Variants in AGBL4 observed in about 807,000 individuals in gnomAD.
AGBL4 encodes the protein cytosolic carboxypeptidase 6.
In AGBL4, 58 loss-of-function variants were observed where a neutral mutation model predicts 66.4. That is an observed-to-expected ratio of 0.87 (90% confidence interval 0.71 to 1.09). The LOEUF (loss-of-function observed/expected upper bound fraction) is 1.09. Among genes scored for constraint, AGBL4 ranks in the 50% least tolerant of loss-of-function variants. AGBL4 has a pLI of 0.00. For missense variants in AGBL4, 579 were observed against 631.0 expected (o/e 0.92, Z 0.88); for synonymous variants, 234 against 222.9 (o/e 1.05, Z -0.44).
At chr1:48,713,149 T>C (rs569382381) in intron 6 of AGBL4, among the ~76,000 whole-genome samples, 4 of 152,114 alleles carry the variant, frequency 2.6e-5, no homozygotes, top group Non-Finnish European at 5.9e-5. Flanking sequence ...TCTTGTCTGG[T>C]AGGTGAGACA....
At chr1:49,994,909 C>G (rs970988165) in intron 1 of AGBL4, 1 of 352,538 alleles carries the variant, frequency 2.8e-6, no homozygotes. Flanking sequence ...AGGATTTAAC[C>G]TTTCCTGGAG....
chr1:49,141,633 A>C (rs943638027), intron 4 of AGBL4, among the ~76,000 whole-genome samples: 13 of 152,190 alleles, frequency 8.5e-5, no homozygotes, highest in African/African-American at 2.9e-4. Context: ...TAGTGTGGCT[A>C]GAGTTTATGA....
chr1:48,742,684 G>A (rs1180213008), intron 6 of AGBL4: 5 of 1,611,338 alleles, frequency 3.1e-6, no homozygotes, highest in African/African-American at 1.3e-5. Flanking sequence ...ATAGGACGAC[G>A]TATTTGCTTC....
At chr1:48,860,815 G>GA (rs1224779545) in intron 6 of AGBL4, among the ~76,000 whole-genome samples, 1 of 152,118 alleles carries the variant, frequency 6.6e-6, no homozygotes, top group Non-Finnish European at 1.5e-5. Context: ...TGAGAAAAGA[G>GA]AAAACCAGAA....
intron 2 of AGBL4, among the ~76,000 whole-genome samples, chr1:49,762,658 C>T (rs750536751): frequency 9.5e-4 from 144 of 152,284 alleles, no homozygotes; most frequent in African/African-American, 1.6e-3. Context: ...GTGCTCTGCC[C>T]GCCTTGGCCT....
At chr1:49,840,497 G>A (rs912921474) in intron 2 of AGBL4, among the ~76,000 whole-genome samples, 3 of 152,078 alleles carry the variant, frequency 2.0e-5, no homozygotes, top group Admixed American at 1.3e-4. Context: ...GAGAAGGAGG[G>A]ACTCCTCCCT....
At chr1:49,935,397 TG>T (rs975672732) in intron 1 of AGBL4, among the ~76,000 whole-genome samples, 2 of 152,202 alleles carry the variant, frequency 1.3e-5, no homozygotes, top group Non-Finnish European at 2.9e-5. Flanking sequence ...GCTCCACCTC[TG>T]GGGGCAGGGC....
chr1:49,959,341 G>C (rs1419226331), intron 1 of AGBL4, among the ~76,000 whole-genome samples: 1 of 151,978 alleles, frequency 6.6e-6, no homozygotes, highest in Non-Finnish European at 1.5e-5. Context: ...AAGAAATAGA[G>C]ACAAGGAGAA....
intron 1 of AGBL4, among the ~76,000 whole-genome samples, chr1:49,861,280 C>T (rs989470708): frequency 2.0e-5 from 3 of 152,122 alleles, no homozygotes; most frequent in African/African-American, 7.2e-5. Context: ...ACGTGAGATA[C>T]TGAGATATCA....
At chr1:48,641,374 A>AT (rs1645752435) in intron 8 of AGBL4, among the ~76,000 whole-genome samples, 1 of 152,136 alleles carries the variant, frequency 6.6e-6, no homozygotes, top group East Asian at 1.9e-4. Flanking sequence ...AGGGATAATC[A>AT]TAACACATCC....
intron 12 of AGBL4, among the ~76,000 whole-genome samples, chr1:48,535,648 A>C (rs1468290180): frequency 6.6e-6 from 1 of 151,712 alleles, no homozygotes; most frequent in African/African-American, 2.4e-5. Flanking sequence ...TCTGTTCTCT[A>C]CTCTATTCCC....
At chr1:49,368,929 T>C (rs1454615610) in intron 3 of AGBL4, among the ~76,000 whole-genome samples, 1 of 151,594 alleles carries the variant, frequency 6.6e-6, no homozygotes, top group Non-Finnish European at 1.5e-5. Context: ...CAAAAAATTA[T>C]CCAGGCATGG....
At chr1:49,248,318 T>C (rs2148332660) in intron 3 of AGBL4, among the ~76,000 whole-genome samples, 1 of 152,332 alleles carries the variant, frequency 6.6e-6, no homozygotes, top group Non-Finnish European at 1.5e-5. Context: ...TAAATTAGAA[T>C]CACTAGTATA....
intron 2 of AGBL4, among the ~76,000 whole-genome samples, chr1:49,805,412 T>A (rs1644954803): frequency 6.6e-6 from 1 of 152,174 alleles, no homozygotes; most frequent in Non-Finnish European, 1.5e-5. Context: ...CTATAAATAT[T>A]TTTCTTCTGT....
chr1:49,683,915 T>C (rs965466126), intron 3 of AGBL4, among the ~76,000 whole-genome samples: 2 of 152,162 alleles, frequency 1.3e-5, no homozygotes, highest in Admixed American at 6.5e-5. Flanking sequence ...GAAAGATGAA[T>C]TACACTGCAG....
intron 3 of AGBL4, among the ~76,000 whole-genome samples, chr1:49,295,934 T>C (rs1644635518): frequency 6.6e-6 from 1 of 152,128 alleles, no homozygotes. Context: ...TAAAGCAAAC[T>C]AAAGAAAGCC....
At chr1:49,936,960 T>G (rs961066508) in intron 1 of AGBL4, among the ~76,000 whole-genome samples, 1 of 152,142 alleles carries the variant, frequency 6.6e-6, no homozygotes, top group Non-Finnish European at 1.5e-5. Context: ...GCTAACATCA[T>G]CATGACAGGA....
chr1:49,530,280 A>AAAAAAAAAAAAAAAAAAAAAAAC (rs1165391996), intron 3 of AGBL4, among the ~76,000 whole-genome samples: 1 of 148,000 alleles, frequency 6.8e-6, no homozygotes, highest in Non-Finnish European at 1.5e-5. Flanking sequence ...AAACAAAAAA[A>AAAAAAAAAAAAAAAAAAAAAAAC]AACTCTATGA....
At chr1:49,637,106 G>T (rs1645689198) in intron 3 of AGBL4, among the ~76,000 whole-genome samples, 1 of 152,140 alleles carries the variant, frequency 6.6e-6, no homozygotes, top group African/African-American at 2.4e-5. Flanking sequence ...TGGACTCCAA[G>T]TTCTTCAGTT....
Sources: gnomAD v4.1 joint callset for allele counts (sites outside exome capture counted in the v4.1 genomes callset) on GRCh38, gnomAD v4.1.1 for gene constraint, MANE v1.5 for transcripts, NCBI Gene and HGNC (gene_info 2026-07-23, HGNC 2026-07-21) for gene names.